SLC9A9: variants seen among roughly 807,000 people sequenced by gnomAD.
The protein encoded by SLC9A9 is solute carrier family 9 member A9, also known as sodium/hydrogen exchanger 9.
SLC9A9 carries 62 observed loss-of-function variants against 77.8 expected under a neutral mutation model. The ratio of observed to expected loss-of-function variants is 0.80; its 90% CI spans 0.65 to 0.98. The LOEUF is 0.98. Among genes scored for constraint, SLC9A9 ranks in the 50% least tolerant of loss-of-function variants. The probability of loss-of-function intolerance (pLI) is 0.00; values close to 1 mark genes in which losing one functional copy is unlikely to be tolerated. For missense variants in SLC9A9, 775 were observed against 774.9 expected (o/e 1.00, Z 0.00); for synonymous variants, 320 against 283.5 (o/e 1.13, Z -1.29).
intron 15 of SLC9A9, among the ~76,000 whole-genome samples, 198 bp downstream of exon 15, chr3:143,268,677 G>T (rs1413649412): frequency 7.0e-6 from 1 of 142,506 alleles, no homozygotes; most frequent in East Asian, 2.2e-4. Flanking sequence ...AGCTTGCAGT[G>T]AGCTGAGATC....
intron 4 of SLC9A9, among the ~76,000 whole-genome samples, chr3:143,701,296 C>T (rs1348702268): frequency 6.6e-6 from 1 of 152,134 alleles, no homozygotes; most frequent in African/African-American, 2.4e-5. Flanking sequence ...ATAACCTCAC[C>T]AAGTGAACTA....
intron 9 of SLC9A9, chr3:143,503,987 C>G: frequency 4.8e-6 from 2 of 419,786 alleles, no homozygotes; most frequent in South Asian, 1.9e-5. Context: ...GTGAACTCCA[C>G]AACATAATCA....
intron 4 of SLC9A9, among the ~76,000 whole-genome samples, chr3:143,777,716 C>CTT (rs34103558): frequency 0.041 from 5,633 of 135,896 alleles, 425 homozygotes; most frequent in African/African-American, 0.14. Context: ...GTCACTGATA[C>CTT]TTTTTTTTTT....
chr3:143,830,015 G>A (rs1264784515), intron 2 of SLC9A9, among the ~76,000 whole-genome samples: 1 of 152,160 alleles, frequency 6.6e-6, no homozygotes, highest in African/African-American at 2.4e-5. Flanking sequence ...ATTACTCAAT[G>A]TTACCTCCTT....
chr3:143,299,994 G>A (rs997671725), intron 14 of SLC9A9, among the ~76,000 whole-genome samples: 7 of 152,146 alleles, frequency 4.6e-5, no homozygotes, highest in Non-Finnish European at 8.8e-5. Flanking sequence ...AGCAGAGATC[G>A]CTAATCTTTT....
chr3:143,836,020 T>C (rs1438138924), intron 1 of SLC9A9, among the ~76,000 whole-genome samples: 1 of 152,098 alleles, frequency 6.6e-6, no homozygotes, highest in East Asian at 1.9e-4. Flanking sequence ...GACAGCAGAG[T>C]GTACCTGCAC....
Position 143,467,158 on chromosome 3 carries a change from T to C in SLC9A9, c.1348A>G (p.Ile450Val), listed in dbSNP as rs2035295267. Residue 450 changes from isoleucine to valine, a missense_variant, in exon 12 of 16, where the codon ATT (isoleucine) becomes GTT (valine). Transcript: ENST00000316549. ...LRGAIAFALA[I>V]RNTESQPKQM... ...TTGGGCTGAGATTCTGTGTTCCGAA[T>C]AGCTAAGGCAAATGCGATCGCTCCT... 2 of 1,614,058 alleles carry C rather than the reference T, an allele frequency of 1.2e-6. No individual in the cohort carries two copies. Among genetic ancestry groups the C allele is most frequent in the South Asian group, 2.2e-5 (2 of 91,088 alleles).
At chr3:143,607,946 T>C (rs2037955263) in intron 6 of SLC9A9, among the ~76,000 whole-genome samples, 1 of 152,078 alleles carries the variant, frequency 6.6e-6, no homozygotes, top group African/African-American at 2.4e-5. Flanking sequence ...GGTATATTCA[T>C]ATACAGAAGG....
At chr3:143,685,528 T>C (rs1933235995) in intron 5 of SLC9A9, among the ~76,000 whole-genome samples, 1 of 152,182 alleles carries the variant, frequency 6.6e-6, no homozygotes, top group South Asian at 2.1e-4. Context: ...AGTGCAGCTG[T>C]ATTTGAGTCT....
At chr3:143,762,623 G>T (rs2007171212) in intron 4 of SLC9A9, among the ~76,000 whole-genome samples, 1 of 152,124 alleles carries the variant, frequency 6.6e-6, no homozygotes, top group Admixed American at 6.6e-5. Flanking sequence ...AAACTACCTA[G>T]AATTATTTTC....
intron 14 of SLC9A9, among the ~76,000 whole-genome samples, chr3:143,298,167 T>C (rs2030360635): frequency 6.6e-6 from 1 of 152,210 alleles, no homozygotes; most frequent in African/African-American, 2.4e-5. Context: ...GTGGAAGGGC[T>C]TCCCCCCACG....
intron 7 of SLC9A9, among the ~76,000 whole-genome samples, chr3:143,575,626 T>G (rs1194176624): frequency 1.3e-5 from 2 of 152,342 alleles, no homozygotes; most frequent in African/African-American, 4.8e-5. Context: ...TATTCCCTTT[T>G]GTTACTTAGA....
chr3:143,546,625 G>A (rs1371188629), intron 9 of SLC9A9, among the ~76,000 whole-genome samples: 1 of 152,136 alleles, frequency 6.6e-6, no homozygotes, highest in Non-Finnish European at 1.5e-5. Context: ...CACAATTGGT[G>A]CTATCCCATC....
chr3:143,758,762 G>C (rs1013625958), intron 4 of SLC9A9, among the ~76,000 whole-genome samples: 1 of 152,064 alleles, frequency 6.6e-6, no homozygotes, highest in Non-Finnish European at 1.5e-5. Flanking sequence ...GAACGTGAGG[G>C]AGAAAGAGTC....
intron 14 of SLC9A9, among the ~76,000 whole-genome samples, chr3:143,269,195 G>A (rs549586585): frequency 4.6e-5 from 7 of 152,270 alleles, no homozygotes; most frequent in African/African-American, 1.7e-4. Context: ...TGAAGAAATG[G>A]TGGATGGCCC....
rs370183731 is a variant in SLC9A9 at position 143,334,170 on chromosome 3, G to T, written c.1604+29314C>A. 5.9e-5 allele frequency among the ~76,000 whole-genome samples: 9 copies of T among 152,298 alleles called. No individual in the cohort carries two copies. The East Asian group carries it at 1.7e-3, about 29-fold the overall frequency. ...AAAATCCAATTTTGATCCTGTACAT[G>T]TCTGGAAAAACTGGCATGAACATAG... On this transcript the variant is annotated intron_variant, in intron 14 of 15. Transcript: ENST00000316549.
intron 6 of SLC9A9, among the ~76,000 whole-genome samples, chr3:143,601,478 G>A (rs1036702708): frequency 5.3e-5 from 8 of 152,284 alleles, no homozygotes; most frequent in South Asian, 4.1e-4. Flanking sequence ...ATGACTTGGC[G>A]AAATCCATTT....
intron 9 of SLC9A9, among the ~76,000 whole-genome samples, chr3:143,527,557 C>T (rs2036426575): frequency 6.6e-6 from 1 of 152,178 alleles, no homozygotes. Context: ...TGAAGATATT[C>T]CTATAGATTC....
chr3:143,413,834 A>T (rs1302798438), intron 12 of SLC9A9, among the ~76,000 whole-genome samples: 1 of 151,940 alleles, frequency 6.6e-6, no homozygotes, highest in Non-Finnish European at 1.5e-5. Flanking sequence ...ATGTACATGC[A>T]TGTGTGTTAT....
Sources: gnomAD v4.1 joint callset for allele counts (sites outside exome capture counted in the v4.1 genomes callset) on GRCh38, gnomAD v4.1.1 for gene constraint, MANE v1.5 for transcripts, NCBI Gene and HGNC (gene_info 2026-07-23, HGNC 2026-07-21) for gene names.